RCSD1: variants seen among roughly 807,000 people sequenced by gnomAD.
The protein encoded by RCSD1 is RCSD domain containing 1, also known as capZ-interacting protein.
RCSD1 carries 26 observed loss-of-function variants against 42.5 expected under a neutral mutation model. The observed-to-expected ratio is 0.61, with a 90% CI of 0.45 to 0.85. The LOEUF (loss-of-function observed/expected upper bound fraction) is 0.85. RCSD1 is among the 40% of genes least tolerant of loss of function. RCSD1 has a pLI of 0.00. For synonymous variants in RCSD1, 220 were observed against 212.2 expected, an observed-to-expected ratio of 1.04 and a Z score of -0.32; for missense variants, 571 against 528.3, an observed-to-expected ratio of 1.08 and a Z score of -0.79.
Position 167,707,289 on chromosome 1 carries a change from T to C in RCSD1, c.*2593T>C, listed in dbSNP as rs1195310623. 1.3e-5 allele frequency among the ~76,000 whole-genome samples: 2 copies of C among 152,214 alleles called. No homozygotes were observed. The highest frequency in any genetic ancestry group is 2.4e-5 in the African/African-American group (1 of 41,464). On this transcript the variant is annotated 3_prime_UTR_variant, in exon 7 of 7. Transcript: ENST00000367854. ...ACCAGTTAACTACATGTTCAATAAATAAATGTCAAAGAAATAAATGCGTGA... is the reference window on the plus strand; with the variant it reads ...ACCAGTTAACTACATGTTCAATAAACAAATGTCAAAGAAATAAATGCGTGA...
chr1:167,632,072 G>A (rs763376080), intron 1 of RCSD1, among the ~76,000 whole-genome samples: 7 of 152,216 alleles, frequency 4.6e-5, no homozygotes, highest in Non-Finnish European at 1.0e-4. Context: ...CTCAGCAGGT[G>A]GTGTGCACAC....
chr1:167,633,835 A>G (rs1265607467), intron 1 of RCSD1: 1 of 152,244 alleles, frequency 6.6e-6, no homozygotes, highest in Non-Finnish European at 1.5e-5. Context: ...CAGTACAGGT[A>G]TATTCTGACT....
At chr1:167,659,453 T>G (rs1467709075) in intron 1 of RCSD1, among the ~76,000 whole-genome samples, 1 of 152,220 alleles carries the variant, frequency 6.6e-6, no homozygotes, top group Non-Finnish European at 1.5e-5. Context: ...GAGTTTTCCC[T>G]TAGTTAAAAA....
At chr1:167,689,472 C>T (rs984721057) in intron 3 of RCSD1, among the ~76,000 whole-genome samples, 12 of 142,638 alleles carry the variant, frequency 8.4e-5, no homozygotes, top group African/African-American at 3.3e-4. Flanking sequence ...ACAAGCAGGA[C>T]TCTGTCTCAA....
At position 167,704,935 on chromosome 1, in the gene RCSD1, A is replaced by G. The variant is rs1426143539; in HGVS notation, c.*239A>G. 2 of 484,000 alleles carry G rather than the reference A, an allele frequency of 4.1e-6. No homozygotes were observed. Among genetic ancestry groups the G allele is most frequent in the Non-Finnish European group, 7.6e-6 (2 of 262,572 alleles). 30.0% of individuals were successfully genotyped at this position (484,000 alleles called of 1,614,324 possible). A position where few individuals can be genotyped will look rare whatever the true frequency, so the allele number is the denominator to read the frequency against. ...TATCAGCTTGAGTTTATGTCATTTG[A>G]TGGACTTGGTTCAACAACAAGAACT... On this transcript the variant is annotated 3_prime_UTR_variant, in exon 7 of 7. Coordinates refer to ENST00000367854, the MANE Select transcript of RCSD1 (RefSeq NM_052862.4).
At chr1:167,656,072 C>A (rs1658419684) in intron 1 of RCSD1, among the ~76,000 whole-genome samples, 1 of 152,120 alleles carries the variant, frequency 6.6e-6, no homozygotes, top group African/African-American at 2.4e-5. Flanking sequence ...AGCAACAGAA[C>A]AAATATTTAT....
At chr1:167,673,638 A>G (rs1446508204) in intron 1 of RCSD1, among the ~76,000 whole-genome samples, 1 of 152,238 alleles carries the variant, frequency 6.6e-6, no homozygotes, top group East Asian at 1.9e-4. Context: ...TATATAGCTA[A>G]TGAGTTCTGG....
intron 1 of RCSD1, among the ~76,000 whole-genome samples, chr1:167,655,750 G>A (rs1571681622): frequency 2.0e-5 from 3 of 152,314 alleles, no homozygotes; most frequent in Middle Eastern, 6.8e-3. Flanking sequence ...CTGCTAGGCA[G>A]CTCCAATAGA....
At position 167,707,236 on chromosome 1, in the gene RCSD1, C is replaced by T. The variant is rs530105378; in HGVS notation, c.*2540C>T. 1.3e-5 allele frequency among the ~76,000 whole-genome samples: 2 copies of T among 152,322 alleles called. No homozygotes were observed. Among genetic ancestry groups the T allele is most frequent in the African/African-American group, 4.8e-5 (2 of 41,568 alleles). On this transcript the variant is annotated 3_prime_UTR_variant, in exon 7 of 7. Transcript: ENST00000367854. Reference sequence around the variant, plus strand: ...CACGGAGATCACCCTGAACAATGCCCAGTTTTTCATGCAGGTTTTGTCCTA... The same window carrying T: ...CACGGAGATCACCCTGAACAATGCCTAGTTTTTCATGCAGGTTTTGTCCTA...
intron 6 of RCSD1, among the ~76,000 whole-genome samples, chr1:167,702,636 A>G (rs1328244925): frequency 2.6e-5 from 4 of 152,058 alleles, no homozygotes; most frequent in Non-Finnish European, 5.9e-5. Context: ...AAAATTAGCC[A>G]GGGGTGGTGG....
chr1:167,647,987 A>G (rs1488178671), intron 1 of RCSD1, among the ~76,000 whole-genome samples: 1 of 152,174 alleles, frequency 6.6e-6, no homozygotes. Context: ...TAAAGTTGGA[A>G]TAAAAAGACA....
chr1:167,665,334 CGT>C (rs879524948), intron 1 of RCSD1, among the ~76,000 whole-genome samples: 117 of 149,172 alleles, frequency 7.8e-4, no homozygotes, highest in Non-Finnish European at 1.2e-3. Context: ...CCATAATGTA[CGT>C]ATAACACAAT....
intron 1 of RCSD1, among the ~76,000 whole-genome samples, chr1:167,658,546 CT>C (rs1335440910): frequency 6.6e-6 from 1 of 152,150 alleles, no homozygotes; most frequent in African/African-American, 2.4e-5. Context: ...CTGCCTCAGC[CT>C]CCTGAGTAAC....
intron 6 of RCSD1, among the ~76,000 whole-genome samples, chr1:167,704,399 AG>A (rs2101728077): frequency 6.6e-6 from 1 of 152,312 alleles, no homozygotes; most frequent in South Asian, 2.1e-4. Flanking sequence ...TGTGTGACCT[AG>A]GGGAAATAAC....
rs1659815584 is a variant in RCSD1, at chr1:167,708,661, T to C, written c.*3965T>C. On this transcript the variant is annotated 3_prime_UTR_variant, in exon 7 of 7. Transcript: ENST00000367854. ...TTCATTGTACACAGTGCCTCAGACATAGTAGGTATTCAATAAATATTTGTT... is the reference window on the plus strand; with the variant it reads ...TTCATTGTACACAGTGCCTCAGACACAGTAGGTATTCAATAAATATTTGTT... Among the ~76,000 whole-genome samples the C allele has an allele frequency of 6.6e-6, 1 of 152,216 alleles. No homozygotes were observed. The highest frequency in any genetic ancestry group is 1.5e-5 in the Non-Finnish European group (1 of 68,034).
At chr1:167,683,026 T>C (rs1238923839) in intron 1 of RCSD1, among the ~76,000 whole-genome samples, 1 of 152,188 alleles carries the variant, frequency 6.6e-6, no homozygotes, top group Non-Finnish European at 1.5e-5. Context: ...ACTGACTTAC[T>C]CTGTGTGTCT....
chr1:167,674,528 T>G (rs1470505132), intron 1 of RCSD1, among the ~76,000 whole-genome samples: 1 of 152,240 alleles, frequency 6.6e-6, no homozygotes, highest in Admixed American at 6.5e-5. Context: ...AAATACTTTT[T>G]GGTATGTTCA....
rs1558089408 is a variant in RCSD1, at chr1:167,685,509, AG to A, written c.198+1del. ...GTAGACCTGGGCCAGAATGGTGAGG[AG>A]GTAAGTGCTGCTGTTGGGGCTCAGA... is the stretch of plus-strand genomic sequence containing the variant. ...PKVDLGQNGE[E>X]KSPPNASHPP... On this transcript the variant is annotated frameshift_variant and splice_region_variant, in exon 3 of 7. Transcript: ENST00000367854. LOFTEE classifies it high-confidence loss of function. 6.2e-7 allele frequency: 1 copy of A among 1,612,736 alleles called. No individual in the cohort carries two copies. Among genetic ancestry groups the A allele is most frequent in the East Asian group, 2.2e-5 (1 of 44,808 alleles).
chr1:167,655,936 A>G (rs931222567), intron 1 of RCSD1, among the ~76,000 whole-genome samples: 11 of 152,246 alleles, frequency 7.2e-5, no homozygotes, highest in African/African-American at 2.7e-4. Context: ...TACTTGCACC[A>G]GAGAAGCCCA....
Sources: gnomAD v4.1 joint callset for allele counts (sites outside exome capture counted in the v4.1 genomes callset) on GRCh38, gnomAD v4.1.1 for gene constraint, MANE v1.5 for transcripts, NCBI Gene and HGNC (gene_info 2026-07-23, HGNC 2026-07-21) for gene names.